The following DPF3 variants were observed in gnomAD, a reference collection of about 807,000 sequenced individuals.
The protein encoded by DPF3 is zinc finger protein DPF3.
Under a neutral mutation model 56.8 loss-of-function variants are expected in DPF3, and 18 were observed. That is an observed-to-expected ratio of 0.32 (90% CI 0.22 to 0.47). The LOEUF (loss-of-function observed/expected upper bound fraction) is 0.47, where lower values mean the gene tolerates loss of function less well. DPF3 is among the 20% of genes least tolerant of loss of function. The pLI, the probability that DPF3 is intolerant of heterozygous loss-of-function variation, is 1.00. For synonymous variants in DPF3, 188 were observed against 180.2 expected (o/e 1.04, Z -0.35); for missense variants, 403 against 488.8 (o/e 0.82, Z 1.65).
intron 8 of DPF3, among the ~76,000 whole-genome samples, chr14:72,663,210 A>G (rs1886299557): frequency 6.6e-6 from 1 of 151,488 alleles, no homozygotes; most frequent in African/African-American, 2.4e-5. Context: ...AAACCAAACA[A>G]ACTGAATCTT....
chr14:72,792,671 C>T (rs183859006), intron 1 of DPF3, among the ~76,000 whole-genome samples: 4 of 152,086 alleles, frequency 2.6e-5, no homozygotes, highest in Non-Finnish European at 4.4e-5. Context: ...GCAGTAGCAG[C>T]GCCTGCTCCT....
intron 2 of DPF3, among the ~76,000 whole-genome samples, chr14:72,756,890 A>G (rs1354933527): frequency 1.7e-5 from 2 of 118,738 alleles, no homozygotes; most frequent in African/African-American, 8.1e-5. Flanking sequence ...AGAAGGAAAG[A>G]AAGAAAGAAA....
chr14:72,806,387 C>T (rs1226038827), intron 1 of DPF3, among the ~76,000 whole-genome samples: 1 of 152,134 alleles, frequency 6.6e-6, no homozygotes, highest in Non-Finnish European at 1.5e-5. Flanking sequence ...CAAAAGTTCC[C>T]TGAGCCCCTG....
At position 72,781,760 on chromosome 14, in the gene DPF3, G is replaced by A. The variant is rs113171491; in HGVS notation, c.33-9867C>T. The stretch of plus-strand genomic sequence containing the variant: ...GGACGCTCCGGGGAGGAAGAGGACC[G>A]TAGCTTTTCTTGTACCCAAGGTTTG... On this transcript the variant is annotated intron_variant, in intron 1 of 10. Coordinates refer to ENST00000556509, the MANE Select transcript of DPF3 (RefSeq NM_001280542.3). Among the ~76,000 whole-genome samples the A allele has an allele frequency of 2.6e-4, 39 of 152,100 alleles. 1 individual carries two copies. The highest frequency in any genetic ancestry group is 2.1e-4 in the South Asian group (1 of 4,826).
At chr14:72,716,399 AG>A (rs2153575994) in intron 5 of DPF3, among the ~76,000 whole-genome samples, 1 of 152,214 alleles carries the variant, frequency 6.6e-6, no homozygotes, top group Admixed American at 6.5e-5. Context: ...CAGCACTCTT[AG>A]GGTCTCTTAG....
chr14:72,749,553 G>A lies in DPF3; in HGVS notation c.301+3711C>T, dbSNP rs944021537. Among the ~76,000 whole-genome samples the A allele has an allele frequency of 4.6e-5, 7 of 152,244 alleles. No individual in the cohort carries two copies. The South Asian group carries it at 6.2e-4, about 13-fold the overall frequency. On this transcript the variant is annotated intron_variant, in intron 3 of 10. Transcript: ENST00000556509. ...AAATGTGAAGATATGAGATTTGGGAGGGGGCAAGGGCAGAATGATATGGCT... is the reference window on the plus strand; with the variant it reads ...AAATGTGAAGATATGAGATTTGGGAAGGGGCAAGGGCAGAATGATATGGCT...
chr14:72,819,938 A>C (rs1469587641), intron 1 of DPF3, among the ~76,000 whole-genome samples: 4 of 152,232 alleles, frequency 2.6e-5, no homozygotes. Flanking sequence ...AACTTGTCTT[A>C]TTAAAAAACA....
intron 8 of DPF3, among the ~76,000 whole-genome samples, chr14:72,663,825 TC>T (rs1446646414): frequency 6.6e-6 from 1 of 151,922 alleles, no homozygotes; most frequent in Non-Finnish European, 1.5e-5. Context: ...CAGCTCAGCC[TC>T]TTCCAAGTTG....
intron 7 of DPF3, among the ~76,000 whole-genome samples, chr14:72,683,347 C>T (rs1236933499): frequency 3.4e-5 from 4 of 118,072 alleles, no homozygotes; most frequent in Non-Finnish European, 7.0e-5. Context: ...AAAAAAAAAG[C>T]AAATTCCAGG....
At chr14:72,707,286 T>A (rs542930594) in intron 6 of DPF3, among the ~76,000 whole-genome samples, 48 of 152,288 alleles carry the variant, frequency 3.2e-4, no homozygotes, top group Admixed American at 2.0e-3. Context: ...GCAATAAACA[T>A]ACGTGTGCAT....
chr14:72,645,707 T>C (rs1432607177), intron 8 of DPF3, among the ~76,000 whole-genome samples: 1 of 152,120 alleles, frequency 6.6e-6, no homozygotes, highest in Non-Finnish European at 1.5e-5. Context: ...CTTTTTAAGA[T>C]TTCTCTTCTT....
chr14:72,729,821 C>T (rs1889561734), intron 4 of DPF3, among the ~76,000 whole-genome samples: 1 of 152,146 alleles, frequency 6.6e-6, no homozygotes, highest in Non-Finnish European at 1.5e-5. Context: ...GGCAGTGAAA[C>T]TTCTGTATGA....
chr14:72,659,802 T>C (rs1337513002), intron 8 of DPF3, among the ~76,000 whole-genome samples: 1 of 152,266 alleles, frequency 6.6e-6, no homozygotes, highest in African/African-American at 2.4e-5. Context: ...TTCATTTTAC[T>C]CTGTGTTCAT....
At chr14:72,813,145 G>A (rs1883132652) in intron 1 of DPF3, among the ~76,000 whole-genome samples, 1 of 152,140 alleles carries the variant, frequency 6.6e-6, no homozygotes, top group South Asian at 2.1e-4. Context: ...TGTCCCTGAT[G>A]GGCTTGGCTC....
intron 8 of DPF3, among the ~76,000 whole-genome samples, chr14:72,649,701 T>C (rs1280254257): frequency 6.6e-6 from 1 of 151,776 alleles, no homozygotes; most frequent in East Asian, 1.9e-4. Flanking sequence ...GCTACAACTT[T>C]ATGAGGCGCT....
chr14:72,610,078 A>G lies in DPF3; in HGVS notation c.*9219T>C, dbSNP rs1883634278. ...AGAAGGAGTTGTGAGTGTGAGGTAA[A>G]AGAGACAAGCAAGCATTTTGGAATG... On this transcript the variant is annotated 3_prime_UTR_variant, in exon 11 of 11. Coordinates refer to ENST00000556509, the MANE Select transcript of DPF3 (RefSeq NM_001280542.3). Among the ~76,000 whole-genome samples, 1 of 152,188 alleles carries G rather than the reference A, an allele frequency of 6.6e-6. No homozygotes were observed. Among genetic ancestry groups the G allele is most frequent in the South Asian group, 2.1e-4 (1 of 4,836 alleles).
intron 6 of DPF3, among the ~76,000 whole-genome samples, chr14:72,700,380 T>C (rs553717059): frequency 1.3e-5 from 2 of 152,190 alleles, no homozygotes; most frequent in Non-Finnish European, 2.9e-5. Context: ...CGCATTTTCA[T>C]TTTGCAGTGG....
intron 8 of DPF3, among the ~76,000 whole-genome samples, chr14:72,644,500 G>A (rs1381167651): frequency 6.6e-6 from 1 of 152,108 alleles, no homozygotes; most frequent in African/African-American, 2.4e-5. Flanking sequence ...TTTTTCCTCT[G>A]GAGAAATTAG....
At chr14:72,723,756 G>A in intron 4 of DPF3, 28 bp from the exon 5 acceptor site, 2 of 1,554,672 alleles carry the variant, frequency 1.3e-6, no homozygotes, top group Non-Finnish European at 1.7e-6. Context: ...AATAGAAAAG[G>A]TGAGAAACGA....
Sources: allele counts gnomAD v4.1 joint callset (sites outside exome capture counted in the v4.1 genomes callset), GRCh38; gene constraint gnomAD v4.1.1; transcripts MANE v1.5; gene names NCBI Gene and HGNC (gene_info 2026-07-23, HGNC 2026-07-21).